The following CSMD1 variants were observed in gnomAD, a reference collection of about 807,000 sequenced individuals.
The protein encoded by CSMD1 is CUB and Sushi multiple domains 1, also known as CUB and sushi domain-containing protein 1.
CSMD1 carries 213 observed loss-of-function variants against 417.5 expected under a neutral mutation model. The ratio of observed to expected loss-of-function variants is 0.51; its 90% CI spans 0.46 to 0.57. The LOEUF is 0.57. Among genes scored for constraint, CSMD1 ranks in the 20% least tolerant of loss-of-function variants. CSMD1 has a pLI of 0.00. For missense variants in CSMD1, 6,923 were observed against 4,529.7 expected (o/e 1.53, Z -15.17); for synonymous variants, 2,862 against 1,736.8 (o/e 1.65, Z -16.11).
At chr8:4,026,471 AT>A (rs1184904348) in intron 4 of CSMD1, among the ~76,000 whole-genome samples, 1 of 152,208 alleles carries the variant, frequency 6.6e-6, no homozygotes, top group Non-Finnish European at 1.5e-5. Context: ...GATTATGGAA[AT>A]TTTAAAGATC....
intron 5 of CSMD1, among the ~76,000 whole-genome samples, chr8:3,803,026 A>C (rs1800542820): frequency 2.0e-5 from 3 of 152,202 alleles, no homozygotes; most frequent in Admixed American, 1.3e-4. Context: ...AAGAACAATG[A>C]AATCCAGAAA....
chr8:4,879,871 C>T (rs905593342), intron 1 of CSMD1, among the ~76,000 whole-genome samples: 7 of 151,986 alleles, frequency 4.6e-5, no homozygotes, highest in African/African-American at 1.7e-4. Context: ...TAAAATCGAT[C>T]AATCAAATCA....
intron 3 of CSMD1, among the ~76,000 whole-genome samples, chr8:4,105,430 G>A (rs531686659): frequency 1.3e-5 from 2 of 152,066 alleles, no homozygotes; most frequent in African/African-American, 4.8e-5. Context: ...CATGGACACT[G>A]GTTAAACTCA....
intron 5 of CSMD1, among the ~76,000 whole-genome samples, chr8:3,991,088 G>A (rs920821468): frequency 1.3e-5 from 2 of 152,168 alleles, no homozygotes; most frequent in African/African-American, 2.4e-5. Flanking sequence ...GCTGCCCAGC[G>A]GCTTCATCCC....
At chr8:3,460,118 G>C (rs917929016) in intron 12 of CSMD1, among the ~76,000 whole-genome samples, 2 of 152,132 alleles carry the variant, frequency 1.3e-5, no homozygotes, top group African/African-American at 4.8e-5. Flanking sequence ...TGTTGGGATG[G>C]AGGCAGCTCA....
At chr8:4,339,058 T>C (rs1356359649) in intron 3 of CSMD1, among the ~76,000 whole-genome samples, 2 of 152,106 alleles carry the variant, frequency 1.3e-5, no homozygotes, top group Non-Finnish European at 2.9e-5. Context: ...TACCGGGAAC[T>C]ATTGCTTGGG....
intron 3 of CSMD1, among the ~76,000 whole-genome samples, chr8:4,307,185 G>GT (rs1798295313): frequency 6.6e-6 from 1 of 152,064 alleles, no homozygotes; most frequent in South Asian, 2.1e-4. Context: ...ATTTAATACT[G>GT]TATCAACCCC....
chr8:4,760,083 G>C (rs1044833655), intron 1 of CSMD1, among the ~76,000 whole-genome samples: 1 of 152,100 alleles, frequency 6.6e-6, no homozygotes, highest in Non-Finnish European at 1.5e-5. Context: ...GTTGTTTCTA[G>C]ACTTTTTAAT....
chr8:3,032,279 T>C (rs1486943714), intron 50 of CSMD1, among the ~76,000 whole-genome samples: 2 of 151,962 alleles, frequency 1.3e-5, no homozygotes, highest in East Asian at 1.9e-4. Flanking sequence ...TGAGTTTGAA[T>C]ACTCTGTGAC....
At chr8:4,010,084 A>G (rs1816428484) in intron 4 of CSMD1, among the ~76,000 whole-genome samples, 1 of 152,078 alleles carries the variant, frequency 6.6e-6, no homozygotes, top group African/African-American at 2.4e-5. Flanking sequence ...CATTCCAACT[A>G]CTTCTGACAT....
At chr8:3,845,841 TA>T in intron 5 of CSMD1, among the ~76,000 whole-genome samples, 1 of 152,236 alleles carries the variant, frequency 6.6e-6, no homozygotes, top group East Asian at 1.9e-4. Context: ...ATTTTTTTTT[TA>T]CTTTCTATAC....
chr8:4,627,184 C>A (rs187726023), intron 2 of CSMD1, among the ~76,000 whole-genome samples: 84 of 152,216 alleles, frequency 5.5e-4, no homozygotes, highest in Non-Finnish European at 1.0e-3. Flanking sequence ...GAATGTTTAG[C>A]TACTCTTAGA....
chr8:4,726,265 G>A (rs750678997), intron 1 of CSMD1, among the ~76,000 whole-genome samples: 5 of 151,466 alleles, frequency 3.3e-5, no homozygotes, highest in South Asian at 2.1e-4. Flanking sequence ...GCCTTGCCCC[G>A]CTTCTTTGAT....
intron 7 of CSMD1, among the ~76,000 whole-genome samples, chr8:3,625,357 T>C (rs760641955): frequency 1.3e-5 from 2 of 152,184 alleles, no homozygotes; most frequent in African/African-American, 2.4e-5. Context: ...CTTCCAACCC[T>C]GAGTGAGAGA....
At position 4,530,095 on chromosome 8, in the gene CSMD1, A is replaced by G. The variant is rs112207901; in HGVS notation, c.302+107247T>C. Among the ~76,000 whole-genome samples, 1,334 of 151,428 alleles carry G rather than the reference A, an allele frequency of 8.8e-3. 24 individuals carry two copies. Among genetic ancestry groups the G allele is most frequent in the African/African-American group, 0.031 (1,273 of 41,320 alleles). ...ACGCCCGACTAGTTTTTTGTATTTT[A>G]GTAGATACGGGGTTTCACCGTGTTA... On this transcript the variant is annotated intron_variant, in intron 2 of 69. Transcript: ENST00000635120.
At chr8:3,630,991 A>T (rs1405480699) in intron 7 of CSMD1, among the ~76,000 whole-genome samples, 3 of 152,294 alleles carry the variant, frequency 2.0e-5, no homozygotes, top group Non-Finnish European at 4.4e-5. Context: ...TGTGACCTAG[A>T]ATGGGACTCA....
chr8:4,259,333 T>G (rs184648894), intron 3 of CSMD1, among the ~76,000 whole-genome samples: 314 of 152,068 alleles, frequency 2.1e-3, no homozygotes, highest in African/African-American at 7.2e-3. Flanking sequence ...TTCAGGAAAA[T>G]CACAGCCTGA....
At chr8:3,776,627 C>T (rs969591154) in intron 5 of CSMD1, among the ~76,000 whole-genome samples, 5 of 152,084 alleles carry the variant, frequency 3.3e-5, no homozygotes, top group African/African-American at 1.2e-4. Flanking sequence ...GACTCCATAT[C>T]CAGCCATCAC....
At chr8:4,030,239 C>G (rs75240153) in intron 4 of CSMD1, among the ~76,000 whole-genome samples, 22,221 of 152,140 alleles carry the variant, frequency 0.15, 2,284 homozygotes, top group East Asian at 0.36. Flanking sequence ...TGGGGGAGCT[C>G]TGACCCCACA....
Sources: allele counts gnomAD v4.1 joint callset (sites outside exome capture counted in the v4.1 genomes callset), GRCh38; gene constraint gnomAD v4.1.1; transcripts MANE v1.5; gene names NCBI Gene and HGNC (gene_info 2026-07-23, HGNC 2026-07-21).